Variants in ROBO2 observed in about 807,000 individuals in gnomAD.
The protein encoded by ROBO2 is roundabout guidance receptor 2.
Under a neutral mutation model 160.8 loss-of-function variants are expected in ROBO2, and 53 were observed. The ratio of observed to expected loss-of-function variants is 0.33; its 90% CI spans 0.26 to 0.41. The LOEUF (loss-of-function observed/expected upper bound fraction) is 0.41, where lower values mean the gene tolerates loss of function less well. Among genes scored for constraint, ROBO2 ranks in the 10% least tolerant of loss-of-function variants. The pLI, the probability that ROBO2 is intolerant of heterozygous loss-of-function variation, is 1.00. For missense variants in ROBO2, 1,577 were observed against 1,722.4 expected (o/e 0.92, Z 1.49); for synonymous variants, 664 against 611.7 (o/e 1.09, Z -1.26).
intron 2 of ROBO2, among the ~76,000 whole-genome samples, chr3:76,497,315 C>T (rs1298676759): frequency 2.0e-5 from 3 of 152,166 alleles, no homozygotes; most frequent in Non-Finnish European, 2.9e-5. Context: ...CCCACATCAG[C>T]CTCCCAAGTA....
chr3:76,916,192 G>T (rs2076293377), intron 2 of ROBO2, among the ~76,000 whole-genome samples: 1 of 152,148 alleles, frequency 6.6e-6, no homozygotes, highest in Non-Finnish European at 1.5e-5. Context: ...ATAATATGCT[G>T]CTCTTTTACT....
rs542115590 is a variant in ROBO2 at position 77,081,792 on chromosome 3, A to G, written c.62-16222A>G. Among the ~76,000 whole-genome samples, 7 of 152,342 alleles carry G rather than the reference A, an allele frequency of 4.6e-5. No individual in the cohort carries two copies. In the East Asian group the frequency reaches 1.4e-3, roughly 29 times the overall value. On this transcript the variant is annotated intron_variant, in intron 1 of 25. Transcript: ENST00000461745. ...TAAATGGAGATGTAGACACAGATAC[A>G]TATGGCTGTTCCTTATTCAGGCTGA...
intron 1 of ROBO2, among the ~76,000 whole-genome samples, chr3:77,059,407 G>T (rs2066071753): frequency 2.0e-5 from 3 of 152,168 alleles, no homozygotes; most frequent in Admixed American, 2.0e-4. Flanking sequence ...AACATTTAAG[G>T]ATTCATGATT....
chr3:76,069,357 T>C (rs984308249), intron 2 of ROBO2, among the ~76,000 whole-genome samples: 1 of 152,174 alleles, frequency 6.6e-6, no homozygotes, highest in African/African-American at 2.4e-5. Flanking sequence ...TTTCCCAGAT[T>C]CAATCCATCA....
intron 2 of ROBO2, among the ~76,000 whole-genome samples, chr3:75,962,746 T>C (rs7631453): frequency 6.6e-6 from 1 of 151,898 alleles, no homozygotes; most frequent in Admixed American, 6.6e-5. Flanking sequence ...GCAATTGTTT[T>C]CCAAATATAA....
At position 76,998,935 on chromosome 3, in the gene ROBO2, A is replaced by G. The variant is rs532084579; in HGVS notation, c.110-99079A>G. 2.0e-5 allele frequency among the ~76,000 whole-genome samples: 3 copies of G among 152,276 alleles called. No individual in the cohort carries two copies. The South Asian group carries it at 6.2e-4, about 32-fold the overall frequency. On this transcript the variant is annotated intron_variant, in intron 2 of 26. Transcript: ENST00000487694. Reference sequence around the variant, plus strand: ...TATTCATATCTACTTACTGAAGCAGACCCAGCAAGGCTTCAACTTAGAAGT... The same window carrying G: ...TATTCATATCTACTTACTGAAGCAGGCCCAGCAAGGCTTCAACTTAGAAGT...
chr3:77,507,088 C>A (rs2088651390), intron 5 of ROBO2, among the ~76,000 whole-genome samples: 1 of 152,048 alleles, frequency 6.6e-6, no homozygotes, highest in Non-Finnish European at 1.5e-5. Context: ...TAAAGAATAT[C>A]CTAATTAGAG....
chr3:77,061,999 T>C (rs1051518374), intron 1 of ROBO2, among the ~76,000 whole-genome samples: 1 of 152,078 alleles, frequency 6.6e-6, no homozygotes, highest in African/African-American at 2.4e-5. Flanking sequence ...AAAACATTAG[T>C]AGATTCAAAG....
At chr3:76,227,530 G>A (rs1165413319) in intron 2 of ROBO2, among the ~76,000 whole-genome samples, 1 of 152,120 alleles carries the variant, frequency 6.6e-6, no homozygotes, top group Non-Finnish European at 1.5e-5. Flanking sequence ...ATGATGCTTA[G>A]CATCAGGATC....
chr3:75,951,982 T>C (rs1976658), intron 2 of ROBO2, among the ~76,000 whole-genome samples: 58,238 of 151,762 alleles, frequency 0.38, 12,275 homozygotes, highest in Non-Finnish European at 0.48. Context: ...AAGTGCAAGA[T>C]ATATGGAAAA....
At chr3:77,315,654 A>G (rs1560514541) in intron 2 of ROBO2, among the ~76,000 whole-genome samples, 1 of 152,206 alleles carries the variant, frequency 6.6e-6, no homozygotes, top group African/African-American at 2.4e-5. Context: ...AATTATAAAT[A>G]TATACCTCCA....
At chr3:76,678,430 G>A (rs72888357) in intron 2 of ROBO2, among the ~76,000 whole-genome samples, 4,241 of 152,188 alleles carry the variant, frequency 0.028, 189 homozygotes, top group African/African-American at 0.091. Flanking sequence ...ATTGTGTATG[G>A]TGTAGGGGCT....
chr3:76,603,348 AAAAATATATATATAT>A (rs1560218967), intron 2 of ROBO2, among the ~76,000 whole-genome samples: 10 of 60,934 alleles, frequency 1.6e-4, no homozygotes, highest in African/African-American at 6.0e-4. Context: ...AAAAAAAAAA[AAAAATATATATATAT>A]ATATATATAT....
intron 2 of ROBO2, among the ~76,000 whole-genome samples, chr3:76,299,781 G>T (rs369175088): frequency 5.9e-5 from 9 of 152,066 alleles, no homozygotes; most frequent in Admixed American, 1.3e-4. Context: ...TTTTATAGAA[G>T]TAGAGTCCAT....
chr3:76,584,156 A>C (rs145130092), intron 2 of ROBO2, among the ~76,000 whole-genome samples: 1 of 152,158 alleles, frequency 6.6e-6, no homozygotes, highest in Non-Finnish European at 1.5e-5. Flanking sequence ...AAAACACATC[A>C]TATCACTCCC....
At chr3:76,325,716 T>TA (rs71277583) in intron 2 of ROBO2, among the ~76,000 whole-genome samples, 12,304 of 145,178 alleles carry the variant, frequency 0.085, 543 homozygotes, top group Non-Finnish European at 0.094. Context: ...AAGGCCAAAT[T>TA]AAAAAAAAAA....
At chr3:76,105,070 A>C (rs2069861437) in intron 2 of ROBO2, among the ~76,000 whole-genome samples, 1 of 152,118 alleles carries the variant, frequency 6.6e-6, no homozygotes, top group Admixed American at 6.5e-5. Context: ...GTGGGTCATA[A>C]GCTCTCAGTA....
chr3:76,933,892 A>G (rs948892037), intron 2 of ROBO2, among the ~76,000 whole-genome samples: 4 of 152,342 alleles, frequency 2.6e-5, no homozygotes, highest in Admixed American at 1.3e-4. Context: ...TAAAGACACA[A>G]TTCTGTCTCT....
At chr3:77,586,998 A>G (rs2094068260) in intron 16 of ROBO2, among the ~76,000 whole-genome samples, 1 of 152,006 alleles carries the variant, frequency 6.6e-6, no homozygotes, top group African/African-American at 2.4e-5. Flanking sequence ...AAGTATGTAT[A>G]AGGAAATGCT....
Sources: allele counts gnomAD v4.1 joint callset (sites outside exome capture counted in the v4.1 genomes callset), GRCh38; gene constraint gnomAD v4.1.1; transcripts MANE v1.5; gene names NCBI Gene and HGNC (gene_info 2026-07-23, HGNC 2026-07-21).